The following RSF1 variants were observed in gnomAD, a reference collection of about 807,000 sequenced individuals.
RSF1 encodes remodeling and spacing factor 1.
Under a neutral mutation model 145.2 loss-of-function variants are expected in RSF1, and 13 were observed. The observed-to-expected ratio is 0.09, with a 90% CI of 0.06 to 0.14. The LOEUF is 0.14. Ranked by LOEUF, RSF1 falls within the 10% of genes least tolerant of loss-of-function variation. The pLI is 1.00. For missense variants in RSF1, 1,517 were observed against 1,718.2 expected (o/e 0.88, Z 2.07); for synonymous variants, 577 against 592.6 (o/e 0.97, Z 0.38).
chr11:77,806,382 C>A (rs1293158414), intron 1 of RSF1, among the ~76,000 whole-genome samples: 1 of 152,078 alleles, frequency 6.6e-6, no homozygotes, highest in African/African-American at 2.4e-5. Context: ...GCTTTTCATG[C>A]AGTTAAGACA....
intron 9 of RSF1, among the ~76,000 whole-genome samples, chr11:77,690,595 C>A (rs1377562203): frequency 6.6e-6 from 1 of 152,142 alleles, no homozygotes; most frequent in Non-Finnish European, 1.5e-5. Flanking sequence ...CCATGCCCAG[C>A]TGATTTTTGT....
rs1044069319 is a variant in RSF1, at chr11:77,808,724, G to A, written c.187+11804C>T. ...AATTTTTTGTATTTTTAGTAGAGAC[G>A]GGGTTTCACCGTGTTAACCGGGATG... On this transcript the variant is annotated intron_variant, in intron 1 of 15. Coordinates refer to ENST00000308488, the MANE Select transcript of RSF1 (RefSeq NM_016578.4). 7.2e-5 allele frequency among the ~76,000 whole-genome samples: 9 copies of A among 125,346 alleles called. 1 individual carries two copies. The highest frequency in any genetic ancestry group is 1.3e-4 in the Non-Finnish European group (8 of 62,052). 82.2% of individuals were successfully genotyped at this position (125,346 alleles called of 152,430 possible).
upstream of RSF1, among the ~76,000 whole-genome samples, chr11:77,823,729 A>G (rs563749305): frequency 1.6e-4 from 25 of 152,138 alleles, no homozygotes; most frequent in African/African-American, 6.0e-4. Context: ...AACTGACCTT[A>G]AATAAAAGCC....
At chr11:77,739,483 A>C (rs1265066893) in intron 4 of RSF1, 1 of 152,230 alleles carries the variant, frequency 6.6e-6, no homozygotes, top group African/African-American at 2.4e-5. Flanking sequence ...CAAATTAATT[A>C]CAAGGAAAAT....
At chr11:77,821,518 G>T (rs1337099788), upstream of RSF1, among the ~76,000 whole-genome samples, 1 of 152,076 alleles carries the variant, frequency 6.6e-6, no homozygotes, top group Non-Finnish European at 1.5e-5. Context: ...AACTCTGGGG[G>T]AATCGTCGGA....
At chr11:77,729,461 T>C (rs1043709119) in intron 4 of RSF1, among the ~76,000 whole-genome samples, 1 of 152,140 alleles carries the variant, frequency 6.6e-6, no homozygotes, top group African/African-American at 2.4e-5. Context: ...ACCATTATTA[T>C]TGTGAAATAT....
Position 77,665,303 on chromosome 11 carries a change from G to C in RSF1, c.*1614C>G, listed in dbSNP as rs1485947844. ...AATGACGTTCCTTGGGCCAGCAGCA[G>C]ATATGGTGTGTCCATTGCCGGCAAC... On this transcript the variant is annotated 3_prime_UTR_variant, in exon 16 of 16. Coordinates refer to ENST00000308488, the MANE Select transcript of RSF1 (RefSeq NM_016578.4). The C allele has an allele frequency of 6.6e-6, 1 of 152,194 alleles. No homozygotes were observed. The highest frequency in any genetic ancestry group is 2.4e-5 in the African/African-American group (1 of 41,442). The allele number at this position is 152,194 out of a possible 1,614,324, so 9.4% of individuals were successfully genotyped here. A position where few individuals can be genotyped will look rare whatever the true frequency, so the allele number is the denominator to read the frequency against.
chr11:77,700,425 C>T (rs181595672), intron 6 of RSF1, among the ~76,000 whole-genome samples: 186 of 150,200 alleles, frequency 1.2e-3, no homozygotes, highest in African/African-American at 4.3e-3. Flanking sequence ...GCAATTATCC[C>T]CAAACTGTTA....
intron 1 of RSF1, among the ~76,000 whole-genome samples, chr11:77,809,714 T>C (rs1565187760): frequency 6.6e-6 from 1 of 152,236 alleles, no homozygotes; most frequent in Non-Finnish European, 1.5e-5. Flanking sequence ...AAGACTTTAA[T>C]GGGAATATAA....
At chr11:77,755,985 T>A (rs1948111790) in intron 2 of RSF1, among the ~76,000 whole-genome samples, 1 of 152,150 alleles carries the variant, frequency 6.6e-6, no homozygotes, top group Admixed American at 6.5e-5. Context: ...ATGAAAGACA[T>A]ACAAAGGTAT....
intron 2 of RSF1, among the ~76,000 whole-genome samples, chr11:77,761,553 G>C (rs989291711): frequency 1.3e-5 from 2 of 152,100 alleles, no homozygotes; most frequent in Non-Finnish European, 2.9e-5. Flanking sequence ...TAGAGGTGCA[G>C]GTACTAAATT....
At chr11:77,815,507 G>T (rs1451823892) in intron 1 of RSF1, among the ~76,000 whole-genome samples, 1 of 152,058 alleles carries the variant, frequency 6.6e-6, no homozygotes, top group African/African-American at 2.4e-5. Context: ...AGTTTAACAT[G>T]TACTTTAGGC....
intron 2 of RSF1, among the ~76,000 whole-genome samples, chr11:77,761,615 C>T (rs1183392386): frequency 2.6e-5 from 4 of 152,058 alleles, no homozygotes; most frequent in African/African-American, 9.7e-5. Flanking sequence ...TATTCATTAT[C>T]CATGGTCAAG....
chr11:77,686,649 T>C (rs1960015855), intron 9 of RSF1, among the ~76,000 whole-genome samples: 1 of 152,076 alleles, frequency 6.6e-6, no homozygotes, highest in Non-Finnish European at 1.5e-5. Context: ...ATGGTCTTTT[T>C]AGAGATAGGT....
chr11:77,841,299 A>G, the RSF1 span: 1 of 696,126 alleles, frequency 1.4e-6, no homozygotes, highest in Middle Eastern at 2.3e-4. Flanking sequence ...CATTCAAACC[A>G]TAGCACTAAA....
rs147841416 is a variant in RSF1 at position 77,796,399 on chromosome 11, A to G, written c.187+24129T>C. On this transcript the variant is annotated intron_variant, in intron 1 of 15. Transcript: ENST00000308488. ...GTAATTCATCACATAAACAGAACCA[A>G]TGACAAAAATTACATGATTATCTCA... 1.9e-3 allele frequency among the ~76,000 whole-genome samples: 282 copies of G among 152,342 alleles called. 3 individuals are homozygous for G. In the East Asian group the frequency reaches 0.033, roughly 18 times the overall value.
At chr11:77,737,826 G>A (rs941778163) in intron 4 of RSF1, among the ~76,000 whole-genome samples, 5 of 152,008 alleles carry the variant, frequency 3.3e-5, no homozygotes, top group Non-Finnish European at 7.4e-5. Context: ...AGTTAGAAAG[G>A]TTGTAAGAAA....
rs2135856315 is a variant in RSF1, at chr11:77,703,321, C to T, written c.734-826G>A. On this transcript the variant is annotated intron_variant, in intron 5 of 15. Coordinates refer to ENST00000308488, the MANE Select transcript of RSF1 (RefSeq NM_016578.4). Reference sequence around the variant, plus strand: ...CACCTAATACTAGTGCAGATTTAAACACAACCAAAGCTATATTCAGTAAAT... The same window carrying T: ...CACCTAATACTAGTGCAGATTTAAATACAACCAAAGCTATATTCAGTAAAT... 7 of 152,276 alleles carry T rather than the reference C, an allele frequency of 4.6e-5. No individual in the cohort carries two copies. The South Asian group carries it at 1.4e-3, about 32-fold the overall frequency. 9.4% of individuals were successfully genotyped at this position (152,276 alleles called of 1,614,324 possible). A position where few individuals can be genotyped will look rare whatever the true frequency, so the allele number is the denominator to read the frequency against.
At chr11:77,786,445 C>A (rs546496616) in intron 1 of RSF1, among the ~76,000 whole-genome samples, 3 of 152,260 alleles carry the variant, frequency 2.0e-5, no homozygotes, top group African/African-American at 7.2e-5. Context: ...GAGCCTTGGA[C>A]ACCTTTTCAC....
Sources: allele counts gnomAD v4.1 joint callset (sites outside exome capture counted in the v4.1 genomes callset), GRCh38; gene constraint gnomAD v4.1.1; transcripts MANE v1.5; gene names NCBI Gene and HGNC (gene_info 2026-07-23, HGNC 2026-07-21).